The following NELL1 variants were observed in gnomAD, a reference collection of about 807,000 sequenced individuals.
NELL1 encodes neural EGFL like 1.
Under a neutral mutation model 107.4 loss-of-function variants are expected in NELL1, and 76 were observed. That is an observed-to-expected ratio of 0.71 (90% CI 0.59 to 0.86). The LOEUF is 0.86. Among genes scored for constraint, NELL1 ranks in the 40% least tolerant of loss-of-function variants. The pLI, the probability that NELL1 is intolerant of heterozygous loss-of-function variation, is 0.00. For missense variants in NELL1, 1,024 were observed against 1,005.5 expected (o/e 1.02, Z -0.25); for synonymous variants, 353 against 341.2 (o/e 1.03, Z -0.38).
intron 14 of NELL1, among the ~76,000 whole-genome samples, chr11:21,309,279 TGTATA>T (rs1184264260): frequency 4.7e-3 from 78 of 16,562 alleles, no homozygotes; most frequent in Admixed American, 0.014. Context: ...TATATATATA[TGTATA>T]TATATATATA....
chr11:21,138,628 CAA>C (rs1407079776), intron 13 of NELL1, among the ~76,000 whole-genome samples: 2 of 152,146 alleles, frequency 1.3e-5, no homozygotes, highest in African/African-American at 2.4e-5. Flanking sequence ...TGTCAATAAA[CAA>C]AGTATGAAAT....
chr11:20,926,712 C>G (rs144348658), intron 7 of NELL1, among the ~76,000 whole-genome samples: 50 of 152,232 alleles, frequency 3.3e-4, no homozygotes, highest in African/African-American at 1.1e-3. Context: ...TCTGATCTTA[C>G]CTGGGGTTTT....
chr11:21,438,738 G>T (rs1027477766), intron 15 of NELL1, among the ~76,000 whole-genome samples: 2 of 151,572 alleles, frequency 1.3e-5, no homozygotes. Context: ...TAGACTACTG[G>T]TAAGGCTGTC....
At chr11:20,902,797 A>C (rs1849907010) in intron 5 of NELL1, among the ~76,000 whole-genome samples, 1 of 152,102 alleles carries the variant, frequency 6.6e-6, no homozygotes, top group East Asian at 1.9e-4. Context: ...AAATTGAACA[A>C]AAATTGATGA....
At chr11:20,834,840 G>C (rs898725658) in intron 3 of NELL1, among the ~76,000 whole-genome samples, 15 of 152,238 alleles carry the variant, frequency 9.9e-5, no homozygotes, top group Middle Eastern at 3.4e-3. Flanking sequence ...AACAAATTTT[G>C]CATAACTGGT....
At chr11:21,150,893 C>T (rs569166941) in intron 13 of NELL1, among the ~76,000 whole-genome samples, 1 of 152,144 alleles carries the variant, frequency 6.6e-6, no homozygotes, top group African/African-American at 2.4e-5. Flanking sequence ...CCTCAGGAGA[C>T]TTATAATCAT....
intron 15 of NELL1, among the ~76,000 whole-genome samples, chr11:21,480,342 A>G (rs942455082): frequency 1.3e-5 from 2 of 152,120 alleles, no homozygotes; most frequent in South Asian, 2.1e-4. Context: ...GTTCTTATTC[A>G]GGTAGAAATG....
intron 13 of NELL1, among the ~76,000 whole-genome samples, chr11:21,135,222 T>G (rs1437243285): frequency 1.3e-5 from 2 of 152,184 alleles, no homozygotes; most frequent in Non-Finnish European, 1.5e-5. Flanking sequence ...ATTTATAGCT[T>G]TTATGACAGC....
intron 16 of NELL1, among the ~76,000 whole-genome samples, chr11:21,541,553 G>A (rs763477907): frequency 6.6e-6 from 1 of 152,062 alleles, no homozygotes; most frequent in Non-Finnish European, 1.5e-5. Flanking sequence ...AGAACCTGGA[G>A]GTGCTCTATC....
chr11:21,170,889 CAT>C (rs1856593233), intron 13 of NELL1, among the ~76,000 whole-genome samples: 1 of 151,532 alleles, frequency 6.6e-6, no homozygotes, highest in Non-Finnish European at 1.5e-5. Context: ...TTTTTACTAA[CAT>C]GTTATCTATC....
At chr11:21,464,788 C>A (rs1458954638) in intron 15 of NELL1, among the ~76,000 whole-genome samples, 3 of 151,992 alleles carry the variant, frequency 2.0e-5, no homozygotes, top group Admixed American at 1.3e-4. Context: ...TATTAGTCAC[C>A]ATACTCTTTT....
chr11:20,687,677 C>T (rs757780803), intron 2 of NELL1, among the ~76,000 whole-genome samples: 19 of 151,792 alleles, frequency 1.3e-4, no homozygotes, highest in Non-Finnish European at 1.9e-4. Flanking sequence ...CTGCAACCTC[C>T]GCCTCCTGGG....
intron 14 of NELL1, among the ~76,000 whole-genome samples, chr11:21,339,612 T>C (rs888111347): frequency 1.3e-5 from 2 of 152,222 alleles, no homozygotes; most frequent in African/African-American, 4.8e-5. Context: ...CCAGACCTAG[T>C]TTAGGCACCT....
At chr11:20,699,226 C>CAA (rs375071371) in intron 2 of NELL1, among the ~76,000 whole-genome samples, 3,777 of 151,332 alleles carry the variant, frequency 0.025, 162 homozygotes, top group African/African-American at 0.087. Context: ...CAAAAACAAA[C>CAA]AAAAAAAACA....
intron 3 of NELL1, among the ~76,000 whole-genome samples, chr11:20,793,160 TTTA>T (rs1857107490): frequency 6.6e-6 from 1 of 151,950 alleles, no homozygotes; most frequent in African/African-American, 2.4e-5. Flanking sequence ...TGGAAAATAT[TTTA>T]TTATTGAAAT....
intron 14 of NELL1, among the ~76,000 whole-genome samples, chr11:21,331,749 C>G (rs1392336830): frequency 6.6e-6 from 1 of 152,058 alleles, no homozygotes; most frequent in South Asian, 2.1e-4. Context: ...CAGGAGGTCT[C>G]TTTATTGCTG....
intron 13 of NELL1, among the ~76,000 whole-genome samples, chr11:21,179,998 A>G (rs1489720190): frequency 7.7e-6 from 1 of 129,308 alleles, no homozygotes; most frequent in African/African-American, 3.0e-5. Flanking sequence ...ATGTAAACAA[A>G]TGGGTCTGGC....
intron 2 of NELL1, chr11:20,769,440 A>G (rs951861200): frequency 6.6e-6 from 1 of 152,246 alleles, no homozygotes; most frequent in Non-Finnish European, 1.5e-5. Flanking sequence ...CTTTGGCACA[A>G]TGTAGAGAAT....
intron 2 of NELL1, among the ~76,000 whole-genome samples, chr11:20,755,563 T>TTTTATTTATTTA (rs1856256252): frequency 5.2e-5 from 1 of 19,114 alleles, no homozygotes; most frequent in East Asian, 1.6e-3. Context: ...TTTGTTTTTG[T>TTTTATTTATTTA]TTTTTTTTTT....
Sources: gnomAD v4.1 joint callset for allele counts (sites outside exome capture counted in the v4.1 genomes callset) on GRCh38, gnomAD v4.1.1 for gene constraint, MANE v1.5 for transcripts, NCBI Gene and HGNC (gene_info 2026-07-23, HGNC 2026-07-21) for gene names.